Variants in RUNX1T1 observed in about 807,000 individuals in gnomAD.
RUNX1T1 encodes the protein protein CBFA2T1.
A neutral mutation model predicts 62.8 loss-of-function variants in RUNX1T1; 4 were observed. That is an observed-to-expected ratio of 0.06 (90% CI 0.03 to 0.15). RUNX1T1 has a LOEUF of 0.15. Ranked by LOEUF, RUNX1T1 falls within the 10% of genes least tolerant of loss-of-function variation. RUNX1T1 has a pLI of 1.00. For missense variants in RUNX1T1, 508 were observed against 754.3 expected (o/e 0.67, Z 3.82); for synonymous variants, 291 against 286.0 (o/e 1.02, Z -0.18).
upstream of RUNX1T1, chr8:92,103,383 A>C (rs1808476488): frequency 5.9e-6 from 1 of 170,288 alleles, no homozygotes; most frequent in Non-Finnish European, 1.3e-5. Context: ...GAGCGCCCGC[A>C]TCAGGCCGGC....
intron 8 of RUNX1T1, among the ~76,000 whole-genome samples, chr8:91,978,883 C>T (rs1814569069): frequency 6.6e-6 from 1 of 152,230 alleles, no homozygotes; most frequent in Admixed American, 6.5e-5. Flanking sequence ...CACTGACATA[C>T]TGCCATGTCC....
intron 1 of RUNX1T1, among the ~76,000 whole-genome samples, chr8:92,054,694 C>A (rs1830750362): frequency 6.6e-6 from 1 of 152,086 alleles, no homozygotes; most frequent in African/African-American, 2.4e-5. Flanking sequence ...AGTCACAAAG[C>A]TAAAGATAAA....
intron 1 of RUNX1T1, among the ~76,000 whole-genome samples, chr8:92,056,619 T>C (rs1358382655): frequency 1.3e-5 from 2 of 152,088 alleles, no homozygotes; most frequent in East Asian, 1.9e-4. Flanking sequence ...TTTTTTTTTT[T>C]TCTTTGCAGG....
chr8:92,038,694 C>T (rs1442653528), intron 1 of RUNX1T1, among the ~76,000 whole-genome samples: 1 of 152,180 alleles, frequency 6.6e-6, no homozygotes, highest in Admixed American at 6.5e-5. Flanking sequence ...CAGCCAAACT[C>T]TGCTACTCTC....
intron 2 of RUNX1T1, among the ~76,000 whole-genome samples, 189 bp from the exon 4 acceptor site, chr8:92,015,009 C>A (rs567534114): frequency 6.6e-6 from 1 of 152,320 alleles, no homozygotes; most frequent in East Asian, 1.9e-4. Flanking sequence ...AATGGGTCTA[C>A]TCCTCATACT....
intron 1 of RUNX1T1, among the ~76,000 whole-genome samples, chr8:92,034,797 T>TATACACAC (rs1827054240): frequency 5.4e-4 from 52 of 96,846 alleles, no homozygotes; most frequent in Non-Finnish European, 3.3e-4. Context: ...TATACATATA[T>TATACACAC]ACACACACAC....
rs1587456184 is a variant in RUNX1T1, at chr8:92,069,581, A to G, written c.88+6384T>C. On this transcript the variant is annotated intron_variant, in intron 2 of 11. Coordinates refer to the RUNX1T1 transcript ENST00000265814. ...AGTTACTCAAAAATGAATTTTAGTTACAATGAATTCTATTACAAATGTTCA... is the reference window on the plus strand; with the variant it reads ...AGTTACTCAAAAATGAATTTTAGTTGCAATGAATTCTATTACAAATGTTCA... Among the ~76,000 whole-genome samples the G allele has an allele frequency of 2.6e-5, 4 of 152,346 alleles. No homozygotes were observed. In the South Asian group the frequency reaches 6.2e-4, roughly 24 times the overall value.
chr8:91,999,755 A>G (rs1819406034), intron 5 of RUNX1T1, among the ~76,000 whole-genome samples: 1 of 152,192 alleles, frequency 6.6e-6, no homozygotes, highest in Admixed American at 6.5e-5. Flanking sequence ...CCATTATTAT[A>G]TTATTTATAA....
exon 1 of RUNX1T1, chr8:92,062,772 G>A (rs1832282831): frequency 6.6e-7 from 1 of 1,513,436 alleles, no homozygotes; most frequent in Non-Finnish European, 8.8e-7. Context: ...GAAATGTGGA[G>A]GATGACAGGA....
upstream of RUNX1T1, chr8:92,102,952 G>A (rs981131807): frequency 7.4e-6 from 11 of 1,481,910 alleles, no homozygotes; most frequent in African/African-American, 1.3e-4. The surrounding 1 kb of genome is among the most constrained non-coding windows in gnomAD (Gnocchi z 4.5). Context: ...GCGACGGGGC[G>A]AGGACGCGGC....
chr8:92,042,020 G>T (rs1374614748), intron 1 of RUNX1T1, among the ~76,000 whole-genome samples: 1 of 151,686 alleles, frequency 6.6e-6, no homozygotes, highest in East Asian at 2.0e-4. Context: ...ACAGGGCTTC[G>T]CCACCTTGGC....
chr8:92,072,239 TTG>T (rs1437795242), intron 2 of RUNX1T1, among the ~76,000 whole-genome samples: 2 of 152,178 alleles, frequency 1.3e-5, no homozygotes, highest in African/African-American at 4.8e-5. Context: ...TAAACATTTG[TTG>T]TGTTACATAA....
intron 1 of RUNX1T1, among the ~76,000 whole-genome samples, chr8:92,062,390 T>C (rs1175171896): frequency 2.0e-5 from 3 of 152,214 alleles, no homozygotes; most frequent in African/African-American, 4.8e-5. Context: ...TGGTTCTCTT[T>C]ATGCTACCTT....
chr8:92,000,221 G>T (rs1819499445), intron 5 of RUNX1T1, among the ~76,000 whole-genome samples: 1 of 152,184 alleles, frequency 6.6e-6, no homozygotes, highest in Middle Eastern at 3.4e-3. Flanking sequence ...CAGGAGAATT[G>T]CTTGAACCCA....
At chr8:91,959,108 A>G (rs965314943) in exon 11 of RUNX1T1, 1 of 217,416 alleles carries the variant, frequency 4.6e-6, no homozygotes, top group Admixed American at 5.8e-5. Context: ...TGTCCAACAC[A>G]TTTACAAGAA....
chr8:92,062,780 G>A, exon 1 of RUNX1T1: 1 of 1,503,134 alleles, frequency 6.7e-7, no homozygotes. Context: ...GAGGATGACA[G>A]GAGCACATGT....
Position 92,005,305 on chromosome 8 carries a change from G to C in RUNX1T1, c.478-8C>G. 6.2e-7 allele frequency: 1 copy of C among 1,607,204 alleles called. No homozygotes were observed. The highest frequency in any genetic ancestry group is 8.5e-7 in the Non-Finnish European group (1 of 1,178,224). ...CAGCAGGGGCAAGTTGGCCTGCAAG[G>C]GAATGACAGGAATGAGAGGACGGAC... is the stretch of plus-strand genomic sequence containing the variant. On this transcript the variant is annotated splice_region_variant and splice_polypyrimidine_tract_variant and intron_variant, in intron 4 of 10. Coordinates refer to ENST00000396218, the Ensembl canonical transcript of RUNX1T1.
At chr8:91,983,367 T>C (rs1356500290) in intron 8 of RUNX1T1, among the ~76,000 whole-genome samples, 4 of 152,280 alleles carry the variant, frequency 2.6e-5, no homozygotes, top group South Asian at 2.1e-4. Context: ...ACATCAATCA[T>C]GAAAGTTACA....
intron 1 of RUNX1T1, among the ~76,000 whole-genome samples, chr8:92,028,076 TG>T (rs57015512): frequency 0.031 from 1,261 of 40,256 alleles, 37 homozygotes; most frequent in African/African-American, 0.11. Context: ...ATGGAATAAA[TG>T]GGGGGGGGGG....
Sources: allele counts gnomAD v4.1 joint callset (sites outside exome capture counted in the v4.1 genomes callset), GRCh38; gene constraint gnomAD v4.1.1; non-coding constraint Gnocchi (gnomAD v3.1); transcripts MANE v1.5; gene names NCBI Gene and HGNC (gene_info 2026-07-23, HGNC 2026-07-21).